TCAF2: variants seen among roughly 807,000 people sequenced by gnomAD.
The protein encoded by TCAF2 is TRPM8 channel associated factor 2, also known as TRPM8 channel-associated factor 2.
In TCAF2, 6 loss-of-function variants were observed where a neutral mutation model predicts 33.9. That is an observed-to-expected ratio of 0.18 (90% CI 0.10 to 0.35). The LOEUF (loss-of-function observed/expected upper bound fraction) is 0.35, where lower values mean the gene tolerates loss of function less well. TCAF2 is among the 10% of genes least tolerant of loss of function. The probability of loss-of-function intolerance (pLI) is 1.00; values close to 1 mark genes in which losing one functional copy is unlikely to be tolerated. For missense variants in TCAF2, 109 were observed against 604.0 expected (o/e 0.18, Z 8.59); for synonymous variants, 41 against 247.8 (o/e 0.17, Z 7.84).
intron 2 of TCAF2, among the ~76,000 whole-genome samples, chr7:143,718,515 T>G (rs1323576287): frequency 3.9e-5 from 6 of 152,092 alleles, no homozygotes; most frequent in Non-Finnish European, 8.8e-5. Context: ...CTAATATTTA[T>G]TTTAATCACT....
intron 2 of TCAF2, among the ~76,000 whole-genome samples, chr7:143,714,144 T>C (rs1586682872): frequency 1.5e-5 from 1 of 67,068 alleles, no homozygotes. Flanking sequence ...TACTCAAGTG[T>C]TGGGGGCTGC....
rs78511718 is a variant in TCAF2, at chr7:143,720,839, G to A, written c.1615+165G>A. On this transcript the variant is annotated intron_variant, in intron 3 of 7. Coordinates refer to ENST00000684770, the MANE Select transcript of TCAF2 (RefSeq NM_001363538.2). ...TCTGTCATCCAGGTTGGAATGCAGT[G>A]GCGCGATCTCAGCTCATGCAACCTC... 15 of 920,794 alleles carry A rather than the reference G, an allele frequency of 1.6e-5. 1 individual carries two copies. The highest frequency in any genetic ancestry group is 1.3e-4 in the South Asian group (5 of 39,166). 57.0% of individuals were successfully genotyped at this position (920,794 alleles called of 1,614,324 possible). A position where few individuals can be genotyped will look rare whatever the true frequency, so the allele number is the denominator to read the frequency against.
At chr7:143,621,301 C>T (rs1481916752) in intron 1 of TCAF2, among the ~76,000 whole-genome samples, 1 of 2,950 alleles carries the variant, frequency 3.4e-4, no homozygotes, top group Admixed American at 3.6e-3. Context: ...CATTTCGTTG[C>T]GGAATGCTGG....
At position 143,729,821 on chromosome 7, in the gene TCAF2, C is replaced by A. The variant is rs975027204; in HGVS notation, c.*2154C>A. 6.6e-6 allele frequency: 1 copy of A among 152,084 alleles called. No homozygotes were observed. Among genetic ancestry groups the A allele is most frequent in the African/African-American group, 2.4e-5 (1 of 41,404 alleles). 9.4% of individuals were successfully genotyped at this position (152,084 alleles called of 1,614,324 possible). A position where few individuals can be genotyped will look rare whatever the true frequency, so the allele number is the denominator to read the frequency against. ...TTCCCTCCCTGTGTCCATTTGTTCT[C>A]ATTTTTCATCTCCCACTTATGAGTG... On this transcript the variant is annotated 3_prime_UTR_variant, in exon 8 of 8. Transcript: ENST00000684770.
In TCAF2 at chr7:143,729,101, C is replaced by G. The variant is rs1189325054; in HGVS notation, c.*1434C>G. 2 of 152,116 alleles carry G rather than the reference C, an allele frequency of 1.3e-5. No homozygotes were observed. Among genetic ancestry groups the G allele is most frequent in the Admixed American group, 6.5e-5 (1 of 15,292 alleles). The allele number at this position is 152,116 out of a possible 1,614,324, so 9.4% of individuals were successfully genotyped here. On this transcript the variant is annotated 3_prime_UTR_variant, in exon 8 of 8. Transcript: ENST00000684770. ...ATGAAGTATTTGTCAAAGGAAAGAA[C>G]AGTAATGACACCTAACACATAATGA... is the stretch of plus-strand genomic sequence containing the variant.
At chr7:143,648,099 A>G (rs1192610134) in intron 1 of TCAF2, among the ~76,000 whole-genome samples, 2 of 101,092 alleles carry the variant, frequency 2.0e-5, no homozygotes, top group Non-Finnish European at 4.3e-5. Context: ...TTGTATTTTT[A>G]GTAGAGACGG....
In TCAF2 at chr7:143,729,390, A is replaced by G. The variant is rs2116542135; in HGVS notation, c.*1723A>G. ...TTACAATTTAAACAAAATGTCACCT[A>G]GAAAATAGATGAAAATATGTTCAAC... On this transcript the variant is annotated 3_prime_UTR_variant, in exon 8 of 8. Transcript: ENST00000684770. The G allele has an allele frequency of 6.6e-6, 1 of 152,334 alleles. No homozygotes were observed. The highest frequency in any genetic ancestry group is 2.4e-5 in the African/African-American group (1 of 41,572). The allele number at this position is 152,334 out of a possible 1,614,324, so 9.4% of individuals were successfully genotyped here.
chr7:143,724,501 T>A lies in TCAF2; in HGVS notation c.2309T>A (p.Phe770Tyr), dbSNP rs765781454. Residue 770 changes from phenylalanine (F) to tyrosine (Y), a missense_variant, in exon 7 of 8, where the codon TTC becomes TAC. Physicochemically the swap from Phe to Tyr is conservative, Grantham distance 22. Transcript: ENST00000684770. ...GHNQQRHGWE[F>Y]PPHTTEATCN... is the part of the protein sequence containing the mutation. ...AACCAACAGCGGCATGGATGGGAGT[T>A]CCCCCCACACACTACTGAGGCCACC... is the stretch of plus-strand genomic sequence containing the variant. 1.2e-6 allele frequency: 2 copies of A among 1,610,906 alleles called. No homozygotes were observed. Among genetic ancestry groups the A allele is most frequent in the South Asian group, 1.1e-5 (1 of 90,940 alleles).
chr7:143,718,487 A>C (rs1027327080), intron 2 of TCAF2, among the ~76,000 whole-genome samples: 1 of 152,084 alleles, frequency 6.6e-6, no homozygotes, highest in African/African-American at 2.4e-5. Flanking sequence ...TTTTTCCATT[A>C]AGCATTTTTC....
chr7:143,726,042 CTCTG>C (rs1233982345), intron 7 of TCAF2, among the ~76,000 whole-genome samples: 1 of 152,194 alleles, frequency 6.6e-6, no homozygotes, highest in African/African-American at 2.4e-5. Flanking sequence ...AATGTTAATA[CTCTG>C]TCTATCAAAT....
chr7:143,647,842 T>G (rs1403342914), intron 1 of TCAF2, among the ~76,000 whole-genome samples: 1 of 143,336 alleles, frequency 7.0e-6, no homozygotes, highest in Non-Finnish European at 1.5e-5. Flanking sequence ...TTTTTCACTG[T>G]TTTTACAACT....
chr7:143,724,455 C>G lies in TCAF2; in HGVS notation c.2263C>G (p.Pro755Ala), dbSNP rs557106200. The G allele has an allele frequency of 8.6e-5, 138 of 1,610,288 alleles. No individual in the cohort carries two copies. The East Asian group carries it at 2.9e-3, about 34-fold the overall frequency. ...MDMRSRGVWGPIHELGHNQQR... is the reference protein window; with the variant it reads ...MDMRSRGVWGAIHELGHNQQR... ...CATGAGGAGCAGGGGTGTGTGGGGC[C>G]CCATCCATGAGCTGGGCCACAACCA... is the stretch of plus-strand genomic sequence containing the variant. The change falls in exon 7 of 8, where the codon CCC (proline) becomes GCC (alanine). Residue 755 changes from proline (P) to alanine (A), a missense_variant. Pro to Ala is a conservative substitution (Grantham distance 27). Transcript: ENST00000684770.
chr7:143,724,643 G>C lies in TCAF2; in HGVS notation c.2451G>C (p.Lys817Asn). ...RERRIKAHLG[K>N]GAPLCDWNVW... The stretch of plus-strand genomic sequence containing the variant: ...GGAGAATCAAGGCCCACCTGGGAAA[G>C]GGAGCCCCCCTGTGTGACTGGAATG... Residue 817 changes from lysine to asparagine, a missense_variant, in exon 7 of 8, where the codon AAG becomes AAC. Coordinates refer to ENST00000684770, the MANE Select transcript of TCAF2 (RefSeq NM_001363538.2). The C allele has an allele frequency of 1.2e-6, 2 of 1,610,158 alleles. No homozygotes were observed. The highest frequency in any genetic ancestry group is 1.7e-6 in the Non-Finnish European group (2 of 1,179,378).
At chr7:143,718,211 TA>T (rs1266379076) in intron 2 of TCAF2, among the ~76,000 whole-genome samples, 1 of 90,130 alleles carries the variant, frequency 1.1e-5, no homozygotes, top group Non-Finnish European at 2.3e-5. Context: ...CTATACTTTT[TA>T]AAAAATATAA....
intron 1 of TCAF2, chr7:143,643,109 TG>T (rs1809031735): frequency 4.6e-6 from 2 of 437,252 alleles, no homozygotes; most frequent in African/African-American, 8.2e-5. Flanking sequence ...CTGTGCTGAT[TG>T]GAAAGCAAAT....
In TCAF2 at chr7:143,730,010, G is replaced by A. The variant is rs1162447243; in HGVS notation, c.*2343G>A. On this transcript the variant is annotated 3_prime_UTR_variant, in exon 8 of 8. Transcript: ENST00000684770. ...ATTTTCTTTATCCAGTCTATCATTG[G>A]TGGGCATTTGGGTTGGTTCCAAGTC... is the stretch of plus-strand genomic sequence containing the variant. 3 of 152,080 alleles carry A rather than the reference G, an allele frequency of 2.0e-5. No individual in the cohort carries two copies. The highest frequency in any genetic ancestry group is 7.2e-5 in the African/African-American group (3 of 41,406). The allele number at this position is 152,080 out of a possible 1,614,324, so 9.4% of individuals were successfully genotyped here.
intron 1 of TCAF2, among the ~76,000 whole-genome samples, chr7:143,648,465 A>G (rs1473966074): frequency 7.1e-6 from 1 of 141,478 alleles, no homozygotes; most frequent in Non-Finnish European, 1.6e-5. Context: ...TGCCCAGAGA[A>G]AGTAGTACTG....
intron 1 of TCAF2, among the ~76,000 whole-genome samples, chr7:143,622,657 G>A (rs1193366724): frequency 1.4e-4 from 3 of 21,924 alleles, no homozygotes; most frequent in African/African-American, 3.5e-4. Context: ...GTCCACTGGT[G>A]CGATATCGGC....
intron 1 of TCAF2, among the ~76,000 whole-genome samples, chr7:143,648,451 A>C (rs1219349849): frequency 1.4e-5 from 2 of 141,118 alleles, no homozygotes; most frequent in Non-Finnish European, 1.6e-5. Context: ...AAACTAGTTT[A>C]TTATGCCCAG....
Sources: gnomAD v4.1 joint callset for allele counts (sites outside exome capture counted in the v4.1 genomes callset) on GRCh38, gnomAD v4.1.1 for gene constraint, MANE v1.5 for transcripts, NCBI Gene and HGNC (gene_info 2026-07-23, HGNC 2026-07-21) for gene names.